Variants in TNS1 observed in about 807,000 individuals in gnomAD.
TNS1 encodes tensin 1.
In TNS1, 62 loss-of-function variants were observed where a neutral mutation model predicts 168.6. That is an observed-to-expected ratio of 0.37 (90% CI 0.30 to 0.45). TNS1 has a LOEUF of 0.45. Ranked by LOEUF, TNS1 falls within the 20% of genes least tolerant of loss-of-function variation. The pLI, the probability that TNS1 is intolerant of heterozygous loss-of-function variation, is 1.00. For missense variants in TNS1, 2,240 were observed against 2,339.4 expected, an observed-to-expected ratio of 0.96 and a Z score of 0.88; for synonymous variants, 934 against 933.2, an observed-to-expected ratio of 1.00 and a Z score of -0.02.
intron 18 of TNS1, among the ~76,000 whole-genome samples, chr2:217,852,734 G>T (rs1334840146): frequency 6.6e-6 from 1 of 152,208 alleles, no homozygotes; most frequent in Non-Finnish European, 1.5e-5. Flanking sequence ...CTATCCCCAA[G>T]TGGGCTCCTG....
intron 8 of TNS1, among the ~76,000 whole-genome samples, 165 bp from the exon 9 acceptor site, chr2:217,895,221 G>A (rs965293195): frequency 6.6e-6 from 1 of 152,134 alleles, no homozygotes; most frequent in Non-Finnish European, 1.5e-5. Flanking sequence ...GTCCTCTCAC[G>A]GCCAGGGGCC....
chr2:217,933,250 G>A (rs1350856719), intron 3 of TNS1, among the ~76,000 whole-genome samples: 4 of 152,204 alleles, frequency 2.6e-5, no homozygotes, highest in Admixed American at 6.5e-5. Context: ...GAGGGCAAAC[G>A]GAGGGGCGGA....
chr2:217,980,060 G>C (rs1486466221), intron 2 of TNS1, among the ~76,000 whole-genome samples: 1 of 152,148 alleles, frequency 6.6e-6, no homozygotes, highest in Non-Finnish European at 1.5e-5. Flanking sequence ...GCTGGGCATG[G>C]GGAAGGGGGA....
intron 3 of TNS1, among the ~76,000 whole-genome samples, chr2:217,927,335 G>C (rs1956085168): frequency 6.6e-6 from 1 of 152,198 alleles, no homozygotes; most frequent in Admixed American, 6.5e-5. Context: ...GCAGGCATTG[G>C]AAGGGATGAA....
At chr2:217,907,952 C>T (rs1422645553) in intron 4 of TNS1, among the ~76,000 whole-genome samples, 1 of 152,196 alleles carries the variant, frequency 6.6e-6, no homozygotes, top group African/African-American at 2.4e-5. Context: ...CCCTCCCTGG[C>T]CACCCCAGCA....
At chr2:217,820,032 G>C (rs1170577399) in intron 23 of TNS1, among the ~76,000 whole-genome samples, 6 of 152,198 alleles carry the variant, frequency 3.9e-5, no homozygotes, top group South Asian at 2.1e-4. Flanking sequence ...GGCCAGGCTA[G>C]GGCAAAGTCT....
chr2:217,933,319 A>T (rs896769392), intron 3 of TNS1, among the ~76,000 whole-genome samples: 1 of 152,160 alleles, frequency 6.6e-6, no homozygotes, highest in Admixed American at 6.5e-5. Flanking sequence ...ATAGAAGACA[A>T]AGCTGGCATC....
chr2:217,818,225 G>T lies in TNS1; in HGVS notation c.4107C>A (p.Thr1369=), dbSNP rs1043127727. 3 of 1,613,760 alleles carry T rather than the reference G, an allele frequency of 1.9e-6. No homozygotes were observed. The African/African-American group carries it at 4.0e-5, about 22-fold the overall frequency. ...GGCCCAGGCTGGGACTCCCCGGGGT[G>T]GTGGCCACTTTGTTGTGGAGGCCAG... ...QVSGLHNKVA[T]TPGSPSLGRH... is the part of the protein sequence containing the mutation. Residue 1369 remains threonine, a synonymous_variant, in exon 24 of 33, where the codon ACC becomes ACA. Coordinates refer to ENST00000682258, the MANE Select transcript of TNS1 (RefSeq NM_001387777.1).
intron 18 of TNS1, among the ~76,000 whole-genome samples, chr2:217,864,449 C>T (rs941243465): frequency 6.6e-6 from 1 of 152,172 alleles, no homozygotes; most frequent in African/African-American, 2.4e-5. Context: ...TTGGAGCTTG[C>T]TCAGGATTAC....
At chr2:217,933,151 G>A (rs896639243) in intron 3 of TNS1, among the ~76,000 whole-genome samples, 1 of 152,200 alleles carries the variant, frequency 6.6e-6, no homozygotes, top group African/African-American at 2.4e-5. Flanking sequence ...GGCTCCATTT[G>A]ACGCATATCC....
intron 24 of TNS1, among the ~76,000 whole-genome samples, chr2:217,815,929 A>C (rs1019603200): frequency 2.0e-5 from 3 of 152,104 alleles, no homozygotes; most frequent in African/African-American, 7.2e-5. Context: ...TAGAATCTAG[A>C]GGCCATCTAC....
intron 8 of TNS1, among the ~76,000 whole-genome samples, chr2:217,895,642 C>T (rs1171970375): frequency 1.3e-5 from 2 of 152,188 alleles, no homozygotes; most frequent in African/African-American, 4.8e-5. Context: ...GCAAACCATC[C>T]TGGGTGGGCC....
intron 25 of TNS1, 41 bp downstream of exon 25, chr2:217,814,871 C>T (rs1941628471): frequency 6.4e-7 from 1 of 1,565,060 alleles, no homozygotes; most frequent in Non-Finnish European, 8.8e-7. Context: ...CAGGCCTCAG[C>T]CAGCTATGGC....
At chr2:218,003,560 C>T (rs1958610342), upstream of TNS1, among the ~76,000 whole-genome samples, 1 of 151,990 alleles carries the variant, frequency 6.6e-6, no homozygotes, top group South Asian at 2.1e-4. Context: ...GAAATAGGGC[C>T]CGAGACTGGG....
intron 19 of TNS1, among the ~76,000 whole-genome samples, chr2:217,839,841 G>A (rs916854797): frequency 2.6e-5 from 4 of 152,200 alleles, no homozygotes; most frequent in Non-Finnish European, 5.9e-5. Context: ...CAGCATGCCT[G>A]GGGCTCCAGA....
intron 21 of TNS1, among the ~76,000 whole-genome samples, chr2:217,833,026 C>A (rs1441512284): frequency 6.6e-6 from 1 of 152,170 alleles, no homozygotes; most frequent in Non-Finnish European, 1.5e-5. Context: ...TGCTCATAGA[C>A]GCTTATCAAA....
intron 9 of TNS1, among the ~76,000 whole-genome samples, chr2:217,894,068 T>C (rs1952022928): frequency 6.6e-6 from 1 of 152,030 alleles, no homozygotes; most frequent in South Asian, 2.1e-4. Context: ...ACACAAACCA[T>C]CCACTTTCCA....
chr2:217,847,594 G>A lies in TNS1; in HGVS notation c.2923C>T (p.Pro975Ser), dbSNP rs775327512. The change falls in exon 19 of 33, where the codon CCA becomes TCA. Residue 975 changes from proline to serine, a missense_variant. By Grantham distance (74) the Pro-to-Ser change is moderately conservative. Coordinates refer to ENST00000682258, the MANE Select transcript of TNS1 (RefSeq NM_001387777.1). ...GAGGGGTCTGAAGTCGCTTCCTTTG[G>A]TGAGAGCAGAGGCTGAGCAGTGAGG... is the stretch of plus-strand genomic sequence containing the variant. ...PGLTAQPLLS[P>S]KEATSDPSRT... 4.4e-5 allele frequency: 67 copies of A among 1,527,974 alleles called. No individual in the cohort carries two copies. Among genetic ancestry groups the A allele is most frequent in the East Asian group, 1.1e-4 (5 of 43,808 alleles). 94.7% of individuals were successfully genotyped at this position (1,527,974 alleles called of 1,614,324 possible).
chr2:217,840,793 C>T (rs1397725981), intron 19 of TNS1, among the ~76,000 whole-genome samples: 1 of 152,210 alleles, frequency 6.6e-6, no homozygotes, highest in Non-Finnish European at 1.5e-5. Flanking sequence ...CCCTCCTGAG[C>T]ACCCTCATTG....
Sources: gnomAD v4.1 joint callset for allele counts (sites outside exome capture counted in the v4.1 genomes callset) on GRCh38, gnomAD v4.1.1 for gene constraint, MANE v1.5 for transcripts, NCBI Gene and HGNC (gene_info 2026-07-23, HGNC 2026-07-21) for gene names.